The following PLCB4 variants were observed in gnomAD, a reference collection of about 807,000 sequenced individuals.
PLCB4 encodes phospholipase C beta 4, also known as 1-phosphatidylinositol 4,5-bisphosphate phosphodiesterase beta-4.
A neutral mutation model predicts 178.8 loss-of-function variants in PLCB4; 77 were observed. The ratio of observed to expected loss-of-function variants is 0.43; its 90% confidence interval spans 0.36 to 0.52. PLCB4 has a LOEUF of 0.52. Among genes scored for constraint, PLCB4 ranks in the 20% least tolerant of loss-of-function variants. The pLI, the probability that PLCB4 is intolerant of heterozygous loss-of-function variation, is 0.00. For missense variants in PLCB4, 1,024 were observed against 1,453.4 expected (o/e 0.70, Z 4.80); for synonymous variants, 496 against 490.8 (o/e 1.01, Z -0.14).
At chr20:9,322,962 C>T (rs1034039161) in intron 4 of PLCB4, among the ~76,000 whole-genome samples, 1 of 152,180 alleles carries the variant, frequency 6.6e-6, no homozygotes, top group African/African-American at 2.4e-5. Flanking sequence ...GTGATAATAC[C>T]TACCTCGCAT....
intron 3 of PLCB4, among the ~76,000 whole-genome samples, chr20:9,224,762 G>A (rs1229639323): frequency 6.6e-6 from 1 of 152,146 alleles, no homozygotes; most frequent in Non-Finnish European, 1.5e-5. Flanking sequence ...AAGGAAAGGG[G>A]AAAAGCATGG....
At chr20:9,384,135 T>A in intron 13 of PLCB4, 66 bp from the exon 14 acceptor site, 2 of 1,209,374 alleles carry the variant, frequency 1.7e-6, no homozygotes, top group Non-Finnish European at 2.5e-6. Flanking sequence ...TCAGCTTCCA[T>A]GAATAAAACA....
intron 4 of PLCB4, among the ~76,000 whole-genome samples, chr20:9,329,034 C>A (rs2031204228): frequency 1.3e-5 from 2 of 152,174 alleles, no homozygotes; most frequent in Non-Finnish European, 2.9e-5. Context: ...AGAAGCTGGC[C>A]ACTCCACCCT....
At position 9,393,740 on chromosome 20, in the gene PLCB4, T is replaced by C. The variant is rs926000171; in HGVS notation, c.1414+62T>C. 10 of 1,104,836 alleles carry C rather than the reference T, an allele frequency of 9.1e-6. No homozygotes were observed. The African/African-American group carries it at 1.1e-4, about 12-fold the overall frequency. 68.4% of individuals were successfully genotyped at this position (1,104,836 alleles called of 1,614,324 possible). ...ATAACATGTGTGGACATTTCAGCTG[T>C]TGAGAATTCAATTTATTTTAAAACC... On this transcript the variant is annotated intron_variant, in intron 18 of 39. Transcript: ENST00000378473.
intron 3 of PLCB4, among the ~76,000 whole-genome samples, chr20:9,227,982 T>C (rs2093888032): frequency 6.6e-6 from 1 of 152,178 alleles, no homozygotes; most frequent in Non-Finnish European, 1.5e-5. Flanking sequence ...CAAGGGCTTC[T>C]TTTGCTTAAA....
chr20:9,205,659 G>T (rs1403893161), intron 2 of PLCB4, among the ~76,000 whole-genome samples: 7 of 152,144 alleles, frequency 4.6e-5, no homozygotes, highest in Non-Finnish European at 1.0e-4. Flanking sequence ...TCATTTGTGT[G>T]TGTGTGTTTT....
intron 2 of PLCB4, among the ~76,000 whole-genome samples, chr20:9,174,168 T>C (rs2093114553): frequency 6.6e-6 from 1 of 152,060 alleles, no homozygotes; most frequent in Admixed American, 6.6e-5. Flanking sequence ...GGAGACAGGG[T>C]CTCACTGTTG....
chr20:9,464,457 C>CA (rs1265912835), intron 35 of PLCB4, among the ~76,000 whole-genome samples: 1 of 152,070 alleles, frequency 6.6e-6, no homozygotes, highest in East Asian at 1.9e-4. Context: ...GATAGCGACA[C>CA]AAAAAACCCT....
chr20:9,232,024 T>C (rs1424699816), intron 3 of PLCB4, among the ~76,000 whole-genome samples: 2 of 152,128 alleles, frequency 1.3e-5, no homozygotes, highest in Non-Finnish European at 2.9e-5. Flanking sequence ...TAAAAAACAT[T>C]CTGCTGGGTG....
At chr20:9,219,793 C>T (rs1462762778) in intron 3 of PLCB4, among the ~76,000 whole-genome samples, 1 of 152,256 alleles carries the variant, frequency 6.6e-6, no homozygotes, top group East Asian at 1.9e-4. Flanking sequence ...AAATTGGAAA[C>T]ATCTAAACTC....
At chr20:9,380,651 C>A (rs889256292) in intron 13 of PLCB4, among the ~76,000 whole-genome samples, 2 of 152,166 alleles carry the variant, frequency 1.3e-5, no homozygotes, top group Non-Finnish European at 2.9e-5. Flanking sequence ...AGTCAGGAAT[C>A]GCCTTAGCTA....
intron 30 of PLCB4, among the ~76,000 whole-genome samples, chr20:9,437,437 G>A (rs984070527): frequency 2.0e-5 from 3 of 152,292 alleles, no homozygotes; most frequent in African/African-American, 7.2e-5. Context: ...TTATTTGTTT[G>A]TAAAATTATC....
At chr20:9,366,396 C>CAA (rs1198133351) in intron 9 of PLCB4, among the ~76,000 whole-genome samples, 227 of 32,318 alleles carry the variant, frequency 7.0e-3, no homozygotes, top group Middle Eastern at 0.012. Flanking sequence ...GACTCCATCT[C>CAA]AAAAAAAAAA....
intron 4 of PLCB4, among the ~76,000 whole-genome samples, chr20:9,328,758 T>G (rs1197765725): frequency 6.6e-6 from 1 of 152,176 alleles, no homozygotes; most frequent in Non-Finnish European, 1.5e-5. Flanking sequence ...GCAGCGTTGT[T>G]TGTCTGGGGT....
chr20:9,478,494 T>G (rs1028886209), intron 39 of PLCB4, among the ~76,000 whole-genome samples: 11 of 152,200 alleles, frequency 7.2e-5, no homozygotes, highest in Non-Finnish European at 1.6e-4. Context: ...AAGTTGTACA[T>G]AAGCAATACT....
chr20:9,366,022 G>C (rs2035748759), intron 9 of PLCB4, among the ~76,000 whole-genome samples: 1 of 152,084 alleles, frequency 6.6e-6, no homozygotes, highest in African/African-American at 2.4e-5. Flanking sequence ...TACATGTACT[G>C]TAACTGACAC....
chr20:9,247,617 A>G (rs1293512463), intron 3 of PLCB4, among the ~76,000 whole-genome samples: 2 of 152,218 alleles, frequency 1.3e-5, no homozygotes, highest in East Asian at 1.9e-4. Flanking sequence ...AGTTGCTTGC[A>G]TATAGTGTAG....
At chr20:9,237,947 G>C (rs998469657) in intron 3 of PLCB4, among the ~76,000 whole-genome samples, 6 of 152,132 alleles carry the variant, frequency 3.9e-5, no homozygotes, top group Non-Finnish European at 5.9e-5. Flanking sequence ...GGCAGAGAAA[G>C]CTTTTCATTA....
chr20:9,433,894 T>C (rs1555859563), intron 28 of PLCB4, among the ~76,000 whole-genome samples: 2 of 152,168 alleles, frequency 1.3e-5, no homozygotes, highest in Non-Finnish European at 2.9e-5. Flanking sequence ...GGAGAATAAA[T>C]TGATGCAATT....
Sources: allele counts gnomAD v4.1 joint callset (sites outside exome capture counted in the v4.1 genomes callset), GRCh38; gene constraint gnomAD v4.1.1; transcripts MANE v1.5; gene names NCBI Gene and HGNC (gene_info 2026-07-23, HGNC 2026-07-21).